Variants in ANXA4 observed in about 807,000 individuals in gnomAD.
ANXA4 encodes annexin A4, also known as 35-beta calcimedin.
ANXA4 carries 39 observed loss-of-function variants against 49.8 expected under a neutral mutation model. The ratio of observed to expected loss-of-function variants is 0.78; its 90% confidence interval spans 0.61 to 1.02. ANXA4 has a LOEUF of 1.02. Among genes scored for constraint, ANXA4 ranks in the 50% least tolerant of loss-of-function variants. ANXA4 has a pLI of 0.00. For missense variants in ANXA4, 360 were observed against 410.1 expected (o/e 0.88, Z 1.05); for synonymous variants, 134 against 152.5 (o/e 0.88, Z 0.89).
chr2:69,803,720 G>T (rs2103804275), intron 3 of ANXA4, among the ~76,000 whole-genome samples: 1 of 152,130 alleles, frequency 6.6e-6, no homozygotes, highest in South Asian at 2.1e-4. Flanking sequence ...ATGCCAAATT[G>T]GTGAATTAAC....
At chr2:69,771,664 A>G (rs1422098816) in intron 1 of ANXA4, among the ~76,000 whole-genome samples, 1 of 152,230 alleles carries the variant, frequency 6.6e-6, no homozygotes, top group Non-Finnish European at 1.5e-5. Flanking sequence ...CCATAAGGAC[A>G]TAAGAAACTT....
intron 1 of ANXA4, among the ~76,000 whole-genome samples, chr2:69,781,002 G>GT (rs1239580544): frequency 6.6e-6 from 1 of 152,196 alleles, no homozygotes; most frequent in African/African-American, 2.4e-5. Context: ...TCCTAGAATG[G>GT]TGGCGGTGAA....
chr2:69,679,674 A>G (rs1360989156), intron 2 of ANXA4, among the ~76,000 whole-genome samples: 1 of 151,866 alleles, frequency 6.6e-6, no homozygotes, highest in Non-Finnish European at 1.5e-5. Context: ...TCTTGAGTTT[A>G]TTTTTGCATA....
intron 2 of ANXA4, among the ~76,000 whole-genome samples, chr2:69,675,357 G>A (rs1197309058): frequency 6.6e-6 from 1 of 152,304 alleles, no homozygotes; most frequent in South Asian, 2.1e-4. Context: ...AAAATGGCAT[G>A]TGAGTCTCAT....
At chr2:69,663,659 C>A (rs942958859) in intron 2 of ANXA4, among the ~76,000 whole-genome samples, 1 of 151,764 alleles carries the variant, frequency 6.6e-6, no homozygotes, top group Non-Finnish European at 1.5e-5. Context: ...CATAGAGAGA[C>A]CCTGTGTCAA....
intron 3 of ANXA4, among the ~76,000 whole-genome samples, chr2:69,736,649 C>T (rs1670253595): frequency 6.6e-6 from 1 of 152,032 alleles, no homozygotes; most frequent in South Asian, 2.1e-4. Flanking sequence ...AAGCTTTCAC[C>T]ATCTGAAAAC....
intron 1 of ANXA4, among the ~76,000 whole-genome samples, chr2:69,747,006 A>G (rs1017132348): frequency 6.6e-6 from 1 of 151,984 alleles, no homozygotes; most frequent in Non-Finnish European, 1.5e-5. Flanking sequence ...AAAAAACAAA[A>G]ACGAAAAATC....
chr2:69,706,363 C>T (rs1301772186), intron 2 of ANXA4, among the ~76,000 whole-genome samples: 6 of 115,368 alleles, frequency 5.2e-5, no homozygotes, highest in South Asian at 2.9e-4. Context: ...TACAGTGGTT[C>T]GATCTCAGCT....
intron 1 of ANXA4, among the ~76,000 whole-genome samples, chr2:69,743,303 C>T (rs910331063): frequency 3.9e-5 from 6 of 152,128 alleles, no homozygotes; most frequent in Non-Finnish European, 8.8e-5. Flanking sequence ...CTGCAACCTC[C>T]GCCTTCTGGG....
intron 6 of ANXA4, chr2:69,809,168 G>A (rs550325965): frequency 3.9e-4 from 59 of 152,214 alleles, no homozygotes; most frequent in African/African-American, 1.4e-3. Context: ...CTTATTTCTG[G>A]GTGATTAGAC....
intron 2 of ANXA4, among the ~76,000 whole-genome samples, chr2:69,687,689 C>T (rs933567439): frequency 2.0e-5 from 3 of 152,110 alleles, no homozygotes; most frequent in Admixed American, 6.6e-5. Context: ...ATCTTGAAGA[C>T]GTCCCCCAAG....
At chr2:69,776,361 C>G (rs770254258) in intron 1 of ANXA4, among the ~76,000 whole-genome samples, 1 of 152,178 alleles carries the variant, frequency 6.6e-6, no homozygotes, top group African/African-American at 2.4e-5. Flanking sequence ...TCATCCCCAA[C>G]CCTTTTGTTC....
At chr2:69,658,573 T>A (rs1183345121) in intron 2 of ANXA4, among the ~76,000 whole-genome samples, 3 of 152,236 alleles carry the variant, frequency 2.0e-5, no homozygotes, top group African/African-American at 7.2e-5. Context: ...TAACCCAGTA[T>A]TCTCAGGGAG....
chr2:69,780,719 A>T (rs1025029804), intron 1 of ANXA4, among the ~76,000 whole-genome samples: 1 of 152,126 alleles, frequency 6.6e-6, no homozygotes, highest in Non-Finnish European at 1.5e-5. Flanking sequence ...TCCAGCCTGG[A>T]CAATGGAGGG....
chr2:69,734,289 A>T (rs1293911847), intron 3 of ANXA4, among the ~76,000 whole-genome samples: 1 of 152,204 alleles, frequency 6.6e-6, no homozygotes, highest in Non-Finnish European at 1.5e-5. Context: ...CAGTGAGAGA[A>T]ATCGAACATA....
chr2:69,731,364 T>C (rs1670089557), intron 3 of ANXA4, among the ~76,000 whole-genome samples: 1 of 152,188 alleles, frequency 6.6e-6, no homozygotes, highest in Admixed American at 6.5e-5. Context: ...GCCACAAACT[T>C]AGCTCAAGCT....
At chr2:69,653,269 T>C (rs559258394) in exon 2 of ANXA4, 1 of 152,368 alleles carries the variant, frequency 6.6e-6, no homozygotes, top group South Asian at 2.1e-4. Flanking sequence ...ACTTTGTTAC[T>C]GGTCCACAGT....
chr2:69,806,949 G>A (rs1673466329), intron 5 of ANXA4, among the ~76,000 whole-genome samples: 1 of 151,968 alleles, frequency 6.6e-6, no homozygotes, highest in African/African-American at 2.4e-5. Context: ...CATGACACAA[G>A]TTTATCTATA....
chr2:69,789,349 C>T (rs1010862159), intron 3 of ANXA4, among the ~76,000 whole-genome samples: 2 of 152,126 alleles, frequency 1.3e-5, no homozygotes, highest in African/African-American at 4.8e-5. Context: ...GGGTCATCAG[C>T]ACTAAGTCCA....
Sources: gnomAD v4.1 joint callset for allele counts (sites outside exome capture counted in the v4.1 genomes callset) on GRCh38, gnomAD v4.1.1 for gene constraint, MANE v1.5 for transcripts, NCBI Gene and HGNC (gene_info 2026-07-23, HGNC 2026-07-21) for gene names.